Variants in DYNC1I2 observed in about 807,000 individuals in gnomAD.
The protein encoded by DYNC1I2 is cytoplasmic dynein 1 intermediate chain 2.
A neutral mutation model predicts 88.6 loss-of-function variants in DYNC1I2; 53 were observed. The ratio of observed to expected loss-of-function variants is 0.60; its 90% CI spans 0.48 to 0.75. The LOEUF (loss-of-function observed/expected upper bound fraction) is 0.75. DYNC1I2 is among the 30% of genes least tolerant of loss of function. The pLI, the probability that DYNC1I2 is intolerant of heterozygous loss-of-function variation, is 0.00. For synonymous variants in DYNC1I2, 198 were observed against 254.6 expected, an observed-to-expected ratio of 0.78 and a Z score of 2.12; for missense variants, 458 against 766.6, an observed-to-expected ratio of 0.60 and a Z score of 4.75.
At chr2:171,728,049 A>C in intron 12 of DYNC1I2, 82 bp downstream of exon 12, 1 of 1,438,770 alleles carries the variant, frequency 7.0e-7, no homozygotes, top group Non-Finnish European at 9.3e-7. Flanking sequence ...CATCAGAGTC[A>C]TCTCAGAATG....
chr2:171,710,189 T>G (rs1687015346), intron 5 of DYNC1I2, among the ~76,000 whole-genome samples: 1 of 150,908 alleles, frequency 6.6e-6, no homozygotes, highest in African/African-American at 2.4e-5. Context: ...TGATGAATTC[T>G]ACTAAATCAT....
chr2:171,739,697 T>TCTCTC (rs1491211926), intron 15 of DYNC1I2, among the ~76,000 whole-genome samples: 494 of 19,796 alleles, frequency 0.025, 6 homozygotes, highest in Middle Eastern at 0.05. Flanking sequence ...GACATATCTC[T>TCTCTC]TTTTTTTTTT....
At chr2:171,688,036 G>A (rs1685095589) in intron 1 of DYNC1I2, 1 of 152,330 alleles carries the variant, frequency 6.6e-6, no homozygotes, top group Admixed American at 6.5e-5. Flanking sequence ...GGCGAGAGGA[G>A]TCCACTCCTT....
chr2:171,708,631 T>G (rs1019609449), intron 5 of DYNC1I2, among the ~76,000 whole-genome samples: 1 of 152,156 alleles, frequency 6.6e-6, no homozygotes, highest in African/African-American at 2.4e-5. Context: ...TTCATTTTTA[T>G]AGGGTTAAAA....
intron 15 of DYNC1I2, among the ~76,000 whole-genome samples, chr2:171,738,015 C>T (rs1480615045): frequency 6.6e-6 from 1 of 151,714 alleles, no homozygotes; most frequent in Non-Finnish European, 1.5e-5. Flanking sequence ...TATTTTGTAT[C>T]ATATAAAAAT....
chr2:171,737,429 A>G (rs960077134), intron 15 of DYNC1I2, among the ~76,000 whole-genome samples: 3 of 152,094 alleles, frequency 2.0e-5, no homozygotes, highest in Non-Finnish European at 4.4e-5. Flanking sequence ...TAGGAAAAAT[A>G]TGGCTTGACT....
intron 2 of DYNC1I2, 137 bp downstream of exon 2, chr2:171,690,400 A>G: frequency 5.0e-6 from 3 of 599,064 alleles, no homozygotes; most frequent in Non-Finnish European, 8.6e-6. Context: ...TTGCTTTTGC[A>G]CAAACCTAAT....
intron 3 of DYNC1I2, among the ~76,000 whole-genome samples, chr2:171,704,817 G>C (rs1686549305): frequency 6.6e-6 from 1 of 152,070 alleles, no homozygotes; most frequent in Non-Finnish European, 1.5e-5. Context: ...GATTTTTCTA[G>C]ATTAATTGGA....
chr2:171,689,119 C>T (rs1414694261), intron 1 of DYNC1I2, among the ~76,000 whole-genome samples: 1 of 152,072 alleles, frequency 6.6e-6, no homozygotes, highest in Non-Finnish European at 1.5e-5. Context: ...ATCCATTATT[C>T]ATTAGCCAGT....
chr2:171,736,036 C>G (rs1364423723), intron 15 of DYNC1I2, among the ~76,000 whole-genome samples: 1 of 152,118 alleles, frequency 6.6e-6, no homozygotes, highest in Non-Finnish European at 1.5e-5. Context: ...GTCTTAGAAC[C>G]CCTCCTTATA....
chr2:171,710,916 T>C (rs1011403303), intron 5 of DYNC1I2, among the ~76,000 whole-genome samples: 18 of 151,694 alleles, frequency 1.2e-4, no homozygotes, highest in Middle Eastern at 3.4e-3. Flanking sequence ...ATGTGCACAA[T>C]GTGCAGGTTT....
intron 3 of DYNC1I2, among the ~76,000 whole-genome samples, chr2:171,700,931 A>G (rs913209704): frequency 5.3e-5 from 8 of 151,328 alleles, no homozygotes; most frequent in African/African-American, 1.9e-4. Context: ...GTGCCTGGCC[A>G]ATTATCCTAG....
chr2:171,706,125 AAC>A (rs1239474394), intron 3 of DYNC1I2, among the ~76,000 whole-genome samples: 1 of 152,108 alleles, frequency 6.6e-6, no homozygotes. Context: ...TATCCTAAAA[AAC>A]ACAGACTTTT....
At chr2:171,700,786 C>G (rs1346252175) in intron 3 of DYNC1I2, among the ~76,000 whole-genome samples, 1 of 152,128 alleles carries the variant, frequency 6.6e-6, no homozygotes. Flanking sequence ...CGCCCGCCAC[C>G]ACGCCCGGCT....
At chr2:171,728,208 G>T in intron 12 of DYNC1I2, 97 bp from the exon 13 acceptor site, 1 of 765,512 alleles carries the variant, frequency 1.3e-6, no homozygotes. Context: ...CACAAGTTAT[G>T]AGACTCGATA....
intron 2 of DYNC1I2, among the ~76,000 whole-genome samples, chr2:171,691,387 A>G (rs1011695176): frequency 6.6e-6 from 1 of 152,336 alleles, no homozygotes; most frequent in East Asian, 1.9e-4. Context: ...TACCTAGTGT[A>G]AGGTAGTTTT....
At chr2:171,708,837 C>T (rs1418869251) in intron 5 of DYNC1I2, among the ~76,000 whole-genome samples, 1 of 152,018 alleles carries the variant, frequency 6.6e-6, no homozygotes, top group Non-Finnish European at 1.5e-5. Flanking sequence ...GGACTGCAGG[C>T]ACGCACCATC....
In DYNC1I2 at chr2:171,748,144, TA is replaced by T. The variant is rs1689925035; in HGVS notation, c.*256del. ...TTTTGAATTCTAATACATAGGTGTA[TA>T]TTTGGTATTAGTTATTTTGAGTTCT... is the stretch of plus-strand genomic sequence containing the variant. On this transcript the variant is annotated 3_prime_UTR_variant, in exon 18 of 18. Coordinates refer to ENST00000397119, the MANE Select transcript of DYNC1I2 (RefSeq NM_001378.3). The T allele has an allele frequency of 2.6e-6, 1 of 377,412 alleles. No individual in the cohort carries two copies. The highest frequency in any genetic ancestry group is 2.1e-5 in the African/African-American group (1 of 47,934). 23.4% of individuals were successfully genotyped at this position (377,412 alleles called of 1,614,324 possible).
intron 2 of DYNC1I2, among the ~76,000 whole-genome samples, chr2:171,691,437 C>G (rs900694442): frequency 6.6e-6 from 1 of 152,114 alleles, no homozygotes; most frequent in South Asian, 2.1e-4. Flanking sequence ...TATGTGGTAG[C>G]CTAAATAATG....
Sources: gnomAD v4.1 joint callset for allele counts (sites outside exome capture counted in the v4.1 genomes callset) on GRCh38, gnomAD v4.1.1 for gene constraint, MANE v1.5 for transcripts, NCBI Gene and HGNC (gene_info 2026-07-23, HGNC 2026-07-21) for gene names.